Variants in NR3C2 observed in about 807,000 individuals in gnomAD.
The protein encoded by NR3C2 is nuclear receptor subfamily 3 group C member 2.
Under a neutral mutation model 86.4 loss-of-function variants are expected in NR3C2, and 15 were observed. That is an observed-to-expected ratio of 0.17 (90% CI 0.12 to 0.27). NR3C2 has a LOEUF of 0.27. NR3C2 is among the 10% of genes least tolerant of loss of function. NR3C2 has a pLI of 1.00. For synonymous variants in NR3C2, 458 were observed against 450.5 expected (o/e 1.02, Z -0.21); for missense variants, 960 against 1,195.6 (o/e 0.80, Z 2.91).
chr4:148,368,023 C>G (rs1217075070), intron 2 of NR3C2, among the ~76,000 whole-genome samples: 17 of 152,100 alleles, frequency 1.1e-4, no homozygotes, highest in Admixed American at 1.1e-3. Flanking sequence ...CCCCATATAT[C>G]ATCTTAAACT....
At chr4:148,156,179 TACCA>T (rs1734378540) in intron 4 of NR3C2, among the ~76,000 whole-genome samples, 1 of 152,178 alleles carries the variant, frequency 6.6e-6, no homozygotes, top group Non-Finnish European at 1.5e-5. Flanking sequence ...ACCTAGGCAT[TACCA>T]TTCAGGACAT....
chr4:148,093,631 C>T (rs1057278244), intron 8 of NR3C2, among the ~76,000 whole-genome samples: 3 of 152,162 alleles, frequency 2.0e-5, no homozygotes, highest in African/African-American at 7.2e-5. Context: ...GATACATCAA[C>T]TCAACTATAA....
At position 148,079,563 on chromosome 4, in the gene NR3C2, G is replaced by A. The variant is rs947964061; in HGVS notation, c.*1781C>T. ...TCATCATTTTTAAAAGATTAATTTG[G>A]CCTCTATTCAAAGTAGTTTATTTAG... On this transcript the variant is annotated 3_prime_UTR_variant, in exon 9 of 9. Coordinates refer to ENST00000358102, the MANE Select transcript of NR3C2 (RefSeq NM_000901.5). 6.6e-6 allele frequency: 1 copy of A among 152,612 alleles called. No homozygotes were observed. Among genetic ancestry groups the A allele is most frequent in the African/African-American group, 2.4e-5 (1 of 41,514 alleles). The allele number at this position is 152,612 out of a possible 1,614,324, so 9.5% of individuals were successfully genotyped here. A position where few individuals can be genotyped will look rare whatever the true frequency, so the allele number is the denominator to read the frequency against.
chr4:148,091,127 C>T (rs1047399094), intron 8 of NR3C2, among the ~76,000 whole-genome samples: 25 of 152,376 alleles, frequency 1.6e-4, no homozygotes, highest in African/African-American at 4.3e-4. Flanking sequence ...GCCCATCTGG[C>T]GCACCCTGCC....
At chr4:148,405,239 C>G (rs149160921) in intron 2 of NR3C2, among the ~76,000 whole-genome samples, 119 of 152,300 alleles carry the variant, frequency 7.8e-4, no homozygotes, top group African/African-American at 2.8e-3. Context: ...ACAAAAAGAG[C>G]ATTGGACATA....
At chr4:148,263,522 C>T (rs778458574) in intron 2 of NR3C2, among the ~76,000 whole-genome samples, 6 of 152,126 alleles carry the variant, frequency 3.9e-5, no homozygotes, top group South Asian at 2.1e-4. Flanking sequence ...TGACTGCTGA[C>T]GAATCTGAAG....
At chr4:148,444,560 G>A, upstream of NR3C2, 1 of 988,118 alleles carries the variant, frequency 1.0e-6, no homozygotes, top group Middle Eastern at 5.2e-4. Flanking sequence ...CTGGGGCGGG[G>A]GAAGGGGAAC....
chr4:148,085,104 TAACA>T (rs1219265112), intron 8 of NR3C2, among the ~76,000 whole-genome samples: 3 of 151,984 alleles, frequency 2.0e-5, no homozygotes, highest in Non-Finnish European at 4.4e-5. Context: ...GACAGAAAAT[TAACA>T]AAGATATTCA....
intron 2 of NR3C2, among the ~76,000 whole-genome samples, chr4:148,333,689 C>T (rs1744343565): frequency 6.6e-6 from 1 of 152,106 alleles, no homozygotes; most frequent in South Asian, 2.1e-4. Flanking sequence ...TGAACCTACC[C>T]CTAGCTGATA....
intron 2 of NR3C2, among the ~76,000 whole-genome samples, chr4:148,298,893 T>C (rs988735256): frequency 2.0e-5 from 3 of 152,220 alleles, no homozygotes; most frequent in Admixed American, 6.5e-5. Context: ...AGGAGGAAGA[T>C]AAGGGAACCT....
intron 6 of NR3C2, among the ~76,000 whole-genome samples, chr4:148,121,576 C>A (rs1278944196): frequency 6.6e-6 from 1 of 152,204 alleles, no homozygotes; most frequent in Non-Finnish European, 1.5e-5. Flanking sequence ...CTGCCTTCTT[C>A]CCCAATCCCA....
intron 2 of NR3C2, among the ~76,000 whole-genome samples, chr4:148,395,306 T>G (rs1269727236): frequency 2.0e-5 from 3 of 151,148 alleles, no homozygotes; most frequent in Non-Finnish European, 1.5e-5. Context: ...TTTAGGGCTC[T>G]GCCCCTAAAT....
intron 2 of NR3C2, among the ~76,000 whole-genome samples, chr4:148,270,911 T>C (rs1452438850): frequency 6.6e-6 from 1 of 152,208 alleles, no homozygotes; most frequent in African/African-American, 2.4e-5. Context: ...CAAATCCTGA[T>C]TGCAAAATCA....
chr4:148,144,329 C>G (rs1236229233), intron 6 of NR3C2, among the ~76,000 whole-genome samples: 1 of 152,132 alleles, frequency 6.6e-6, no homozygotes, highest in Non-Finnish European at 1.5e-5. Flanking sequence ...CTCAGCCTCC[C>G]AAGTAGCTGG....
chr4:148,357,689 A>G (rs983419731), intron 2 of NR3C2, among the ~76,000 whole-genome samples: 2 of 152,194 alleles, frequency 1.3e-5, no homozygotes, highest in African/African-American at 2.4e-5. Flanking sequence ...TTCATTTAAC[A>G]TTAATTATTT....
intron 2 of NR3C2, among the ~76,000 whole-genome samples, chr4:148,298,950 C>A (rs908917486): frequency 6.6e-6 from 1 of 152,156 alleles, no homozygotes; most frequent in Admixed American, 6.5e-5. Context: ...AGGGGGCCCA[C>A]CTGTGCAGTG....
intron 3 of NR3C2, among the ~76,000 whole-genome samples, chr4:148,244,888 T>C (rs1486929146): frequency 6.6e-6 from 1 of 152,216 alleles, no homozygotes; most frequent in Non-Finnish European, 1.5e-5. Flanking sequence ...CAAAATAGTG[T>C]TATAGCTTTT....
At chr4:148,269,061 G>C (rs1432876475) in intron 2 of NR3C2, among the ~76,000 whole-genome samples, 1 of 152,164 alleles carries the variant, frequency 6.6e-6, no homozygotes, top group Non-Finnish European at 1.5e-5. Flanking sequence ...TCCATGTTCT[G>C]TTTGTGGAAC....
intron 4 of NR3C2, among the ~76,000 whole-genome samples, chr4:148,181,643 C>A (rs1735650632): frequency 6.6e-6 from 1 of 152,182 alleles, no homozygotes; most frequent in South Asian, 2.1e-4. Flanking sequence ...GCAGAAAATT[C>A]TCATGTACAG....
Sources: allele counts gnomAD v4.1 joint callset (sites outside exome capture counted in the v4.1 genomes callset), GRCh38; gene constraint gnomAD v4.1.1; transcripts MANE v1.5; gene names NCBI Gene and HGNC (gene_info 2026-07-23, HGNC 2026-07-21).